Variants in FOXO3 observed in about 807,000 individuals in gnomAD.
The protein encoded by FOXO3 is forkhead box protein O3.
FOXO3 carries 4 observed loss-of-function variants against 41.9 expected under a neutral mutation model. The observed-to-expected ratio is 0.10, with a 90% CI of 0.05 to 0.22. The LOEUF is 0.22. Among genes scored for constraint, FOXO3 ranks in the 10% least tolerant of loss-of-function variants. The pLI, the probability that FOXO3 is intolerant of heterozygous loss-of-function variation, is 1.00. For missense variants in FOXO3, 534 were observed against 906.8 expected (o/e 0.59, Z 5.28); for synonymous variants, 318 against 389.3 (o/e 0.82, Z 2.16).
Position 108,664,646 on chromosome 6 carries a change from G to C in FOXO3, c.1813G>C (p.Glu605Gln). Reference protein sequence around the residue: ...TSANLPVMGHEKFPSDLDLDM... With the variant: ...TSANLPVMGHQKFPSDLDLDM... ...TGCAAACCTGCCCGTCATGGGCCAT[G>C]AGAAGTTCCCCAGCGACTTGGACCT... Residue 605 changes from glutamate to glutamine, a missense_variant, in exon 2 of 3, where the codon GAG (glutamate) becomes CAG (glutamine). Coordinates refer to ENST00000406360, the MANE Select transcript of FOXO3 (RefSeq NM_001455.4). 1 of 994,654 alleles carries C rather than the reference G, an allele frequency of 1.0e-6. No individual in the cohort carries two copies. The highest frequency in any genetic ancestry group is 1.6e-6 in the Non-Finnish European group (1 of 633,478). 61.6% of individuals were successfully genotyped at this position (994,654 alleles called of 1,614,324 possible).
chr6:108,639,594 A>C, intron 1 of FOXO3: 4 of 985,172 alleles, frequency 4.1e-6, no homozygotes, highest in Non-Finnish European at 4.8e-6. Flanking sequence ...GTGGAGGTGG[A>C]CCCTGCCTCA....
intron 1 of FOXO3, among the ~76,000 whole-genome samples, chr6:108,590,267 G>A (rs1275526978): frequency 6.6e-6 from 1 of 151,912 alleles, no homozygotes; most frequent in Non-Finnish European, 1.5e-5. Flanking sequence ...GGAACTACAA[G>A]CGTGAGCCAC....
chr6:108,655,761 GCTCTC>G (rs1398007106), intron 1 of FOXO3, among the ~76,000 whole-genome samples: 2 of 152,228 alleles, frequency 1.3e-5, no homozygotes, highest in Non-Finnish European at 2.9e-5. Context: ...TGTTTGCAGT[GCTCTC>G]CTGTGGCACG....
At chr6:108,588,857 A>C (rs924441464) in intron 1 of FOXO3, among the ~76,000 whole-genome samples, 5 of 152,210 alleles carry the variant, frequency 3.3e-5, no homozygotes, top group Non-Finnish European at 5.9e-5. Flanking sequence ...TAGACAAAAA[A>C]CCCACAAAAC....
intron 1 of FOXO3, among the ~76,000 whole-genome samples, chr6:108,655,422 A>G (rs1260510850): frequency 3.3e-5 from 5 of 152,216 alleles, no homozygotes; most frequent in Non-Finnish European, 7.3e-5. Flanking sequence ...TACCAGATCT[A>G]AGGAGACTGG....
intron 1 of FOXO3, among the ~76,000 whole-genome samples, chr6:108,647,666 C>T (rs1003018823): frequency 2.6e-5 from 4 of 152,174 alleles, no homozygotes; most frequent in Admixed American, 2.0e-4. Flanking sequence ...TGTAGATGTC[C>T]GTGAACACCA....
At chr6:108,596,064 T>G (rs1242470348) in intron 1 of FOXO3, among the ~76,000 whole-genome samples, 2 of 152,200 alleles carry the variant, frequency 1.3e-5, no homozygotes, top group East Asian at 1.9e-4. Context: ...AAATGTTTCT[T>G]TATTTTGAGG....
At chr6:108,603,430 T>C (rs1443749174) in intron 1 of FOXO3, among the ~76,000 whole-genome samples, 1 of 152,170 alleles carries the variant, frequency 6.6e-6, no homozygotes, top group Non-Finnish European at 1.5e-5. Context: ...GTGGATCAAG[T>C]AAAGCATCAG....
chr6:108,665,640 G>A (rs1779029839), intron 2 of FOXO3, among the ~76,000 whole-genome samples: 1 of 152,008 alleles, frequency 6.6e-6, no homozygotes, highest in Admixed American at 6.5e-5. Context: ...GGGCAACATA[G>A]CAAGACTCTG....
intron 1 of FOXO3, among the ~76,000 whole-genome samples, chr6:108,600,623 A>T (rs1312883487): frequency 6.6e-6 from 1 of 152,108 alleles, no homozygotes; most frequent in Non-Finnish European, 1.5e-5. Flanking sequence ...TGCAAAATGA[A>T]AACAACCTAT....
intron 1 of FOXO3, among the ~76,000 whole-genome samples, chr6:108,659,238 C>A (rs1582823397): frequency 6.6e-6 from 1 of 152,058 alleles, no homozygotes; most frequent in Non-Finnish European, 1.5e-5. Context: ...AAGGGCCCAC[C>A]AAATACCCGT....
intron 2 of FOXO3, among the ~76,000 whole-genome samples, chr6:108,678,354 A>G (rs1770701038): frequency 6.6e-6 from 1 of 152,150 alleles, no homozygotes; most frequent in Admixed American, 6.5e-5. Context: ...TTTCACTACC[A>G]CTTTTCTATC....
chr6:108,652,363 T>G (rs1472523187), intron 1 of FOXO3, among the ~76,000 whole-genome samples: 1 of 152,244 alleles, frequency 6.6e-6, no homozygotes, highest in African/African-American at 2.4e-5. Context: ...CAACAAGGCT[T>G]GCTTCATGGC....
chr6:108,642,741 G>A (rs1778294221), intron 1 of FOXO3, among the ~76,000 whole-genome samples: 2 of 152,176 alleles, frequency 1.3e-5, no homozygotes, highest in African/African-American at 2.4e-5. Context: ...ATGTGTGTAT[G>A]GCAGTAGGTG....
At chr6:108,650,500 T>C (rs182577285) in intron 1 of FOXO3, among the ~76,000 whole-genome samples, 15 of 152,352 alleles carry the variant, frequency 9.8e-5, no homozygotes, top group African/African-American at 3.4e-4. Flanking sequence ...GTGATAGATA[T>C]TACACTACTG....
chr6:108,650,953 C>T (rs1389480538), intron 1 of FOXO3, among the ~76,000 whole-genome samples: 1 of 152,034 alleles, frequency 6.6e-6, no homozygotes. Context: ...GGTCATCAGC[C>T]GCTTTTGCAT....
intron 1 of FOXO3, among the ~76,000 whole-genome samples, chr6:108,639,029 C>A (rs1778187699): frequency 6.6e-6 from 1 of 152,186 alleles, no homozygotes; most frequent in East Asian, 1.9e-4. Flanking sequence ...CCTTGGGAGG[C>A]TGGGCTCCCT....
chr6:108,622,414 A>G (rs530390511), intron 1 of FOXO3, among the ~76,000 whole-genome samples: 100 of 152,234 alleles, frequency 6.6e-4, no homozygotes, highest in African/African-American at 2.4e-3. Flanking sequence ...CTGTTCAGAC[A>G]TTTCCTTTTG....
At chr6:108,620,039 C>G (rs1777623981) in intron 1 of FOXO3, among the ~76,000 whole-genome samples, 1 of 152,190 alleles carries the variant, frequency 6.6e-6, no homozygotes, top group Admixed American at 6.5e-5. Flanking sequence ...CATAGTGAAT[C>G]ATCACAGATC....
Sources: allele counts gnomAD v4.1 joint callset (sites outside exome capture counted in the v4.1 genomes callset), GRCh38; gene constraint gnomAD v4.1.1; transcripts MANE v1.5; gene names NCBI Gene and HGNC (gene_info 2026-07-23, HGNC 2026-07-21).